PLEKHG4B: variants seen among roughly 807,000 people sequenced by gnomAD.
PLEKHG4B encodes the protein pleckstrin homology and RhoGEF domain containing G4B.
PLEKHG4B carries 111 observed loss-of-function variants against 121.3 expected under a neutral mutation model. That is an observed-to-expected ratio of 0.92 (90% CI 0.78 to 1.07). PLEKHG4B has a LOEUF of 1.07. PLEKHG4B is among the 50% of genes least tolerant of loss of function. The pLI, the probability that PLEKHG4B is intolerant of heterozygous loss-of-function variation, is 0.00. For synonymous variants in PLEKHG4B, 738 were observed against 725.0 expected, an observed-to-expected ratio of 1.02 and a Z score of -0.29; for missense variants, 1,831 against 1,757.8, an observed-to-expected ratio of 1.04 and a Z score of -0.74.
At chr5:127,492 G>C (rs892125401) in intron 2 of PLEKHG4B, among the ~76,000 whole-genome samples, 1 of 151,608 alleles carries the variant, frequency 6.6e-6, no homozygotes, top group African/African-American at 2.4e-5. Flanking sequence ...AATTTTCCTT[G>C]TATACATTTT....
In PLEKHG4B at chr5:169,487, C is replaced by A. The variant is rs746844960; in HGVS notation, c.3624C>A (p.Phe1208Leu). 1 of 1,614,234 alleles carries A rather than the reference C, an allele frequency of 6.2e-7. No individual in the cohort carries two copies. ...TTCGAGGGAAGCACCACGTTATTTT[C>A]GGCAACTTGGAGAAGCTCCACGACT... is the stretch of plus-strand genomic sequence containing the variant. ...QGLRGKHHVI[F>L]GNLEKLHDFH... Residue 1208 changes from phenylalanine to leucine, a missense_variant, in exon 14 of 20, where the codon TTC becomes TTA. By Grantham distance (22) the Phe-to-Leu change is conservative. Transcript: ENST00000637938.
At chr5:154,663 T>C (rs941737537) in intron 7 of PLEKHG4B, among the ~76,000 whole-genome samples, 1 of 150,434 alleles carries the variant, frequency 6.6e-6, no homozygotes, top group Non-Finnish European at 1.5e-5. Flanking sequence ...ACTGAGGCCT[T>C]TCCTTCACTT....
Position 100,039 on chromosome 5 carries a change from C to T in PLEKHG4B, c.45+7763C>T, listed in dbSNP as rs1428088490. 2.6e-5 allele frequency among the ~76,000 whole-genome samples: 4 copies of T among 152,040 alleles called. No individual in the cohort carries two copies. In the East Asian group the frequency reaches 5.8e-4, roughly 22 times the overall value. ...TGTATTACATTGATTGGTTTTCTTA[C>T]GTTGAAGAACGCTTGCATTCCAGGA... On this transcript the variant is annotated intron_variant, in intron 1 of 19. Transcript: ENST00000637938.
intron 2 of PLEKHG4B, among the ~76,000 whole-genome samples, chr5:135,952 A>G (rs1734972651): frequency 6.6e-6 from 1 of 151,880 alleles, no homozygotes; most frequent in African/African-American, 2.4e-5. Flanking sequence ...AAGCAGTGTG[A>G]CACTGGCATA....
At chr5:143,609 C>G in intron 5 of PLEKHG4B, 106 bp downstream of exon 5, 1 of 1,390,850 alleles carries the variant, frequency 7.2e-7, no homozygotes, top group Non-Finnish European at 9.9e-7. Context: ...TGGCCAGACT[C>G]TGCCTCTCCT....
intron 1 of PLEKHG4B, among the ~76,000 whole-genome samples, chr5:98,498 G>A (rs1271642262): frequency 2.4e-5 from 3 of 123,008 alleles, no homozygotes; most frequent in East Asian, 2.8e-4. Context: ...GCAGTGGCAC[G>A]ATCTTGGCTC....
chr5:177,739 C>G (rs1333686900), intron 18 of PLEKHG4B, among the ~76,000 whole-genome samples: 1 of 152,228 alleles, frequency 6.6e-6, no homozygotes, highest in Non-Finnish European at 1.5e-5. Flanking sequence ...ATCCTTGATC[C>G]TAAGACTTTC....
At chr5:155,309 T>G (rs1228156131) in intron 8 of PLEKHG4B, 36 bp from the exon 9 acceptor site, 1 of 1,544,904 alleles carries the variant, frequency 6.5e-7, no homozygotes, top group Non-Finnish European at 9.0e-7. Flanking sequence ...TAACAGACTG[T>G]GTTCTTATAA....
chr5:118,152 A>C (rs1205575066), intron 2 of PLEKHG4B, among the ~76,000 whole-genome samples: 1 of 152,226 alleles, frequency 6.6e-6, no homozygotes, highest in African/African-American at 2.4e-5. Context: ...GGGTCTAAAG[A>C]AGATCATTCA....
At position 119,473 on chromosome 5, in the gene PLEKHG4B, G is replaced by A. The variant is rs148894502; in HGVS notation, c.243+6025G>A. Among the ~76,000 whole-genome samples the A allele has an allele frequency of 5.1e-3, 782 of 152,192 alleles. 10 individuals are homozygous for A. The highest frequency in any genetic ancestry group is 6.4e-3 in the Non-Finnish European group (433 of 68,006). ...AAATAAAGGATGACAAAACCACCAAGGAAATTGTCAAAATATTTAGAGCCA... is the reference window on the plus strand; with the variant it reads ...AAATAAAGGATGACAAAACCACCAAAGAAATTGTCAAAATATTTAGAGCCA... On this transcript the variant is annotated intron_variant, in intron 2 of 19. Coordinates refer to ENST00000637938, the MANE Select transcript of PLEKHG4B (RefSeq NM_052909.5).
chr5:102,271 C>T (rs1733844145), intron 1 of PLEKHG4B, among the ~76,000 whole-genome samples: 1 of 152,018 alleles, frequency 6.6e-6, no homozygotes, highest in Non-Finnish European at 1.5e-5. Context: ...CTAGAACTCA[C>T]ATCAGTTTCT....
chr5:153,292 T>C (rs1735663348), intron 7 of PLEKHG4B, among the ~76,000 whole-genome samples: 1 of 152,214 alleles, frequency 6.6e-6, no homozygotes. Flanking sequence ...CCTCTGCTGA[T>C]TGTCTTTCCC....
rs1736085101 is a variant in PLEKHG4B at position 163,032 on chromosome 5, A to G, written c.2960A>G (p.His987Arg). The G allele has an allele frequency of 6.4e-7, 1 of 1,560,858 alleles. No individual in the cohort carries two copies. The highest frequency in any genetic ancestry group is 8.7e-7 in the Non-Finnish European group (1 of 1,152,460). Residue 987 changes from histidine (H) to arginine (R), a missense_variant, in exon 13 of 20, where the codon CAC (histidine) becomes CGC (arginine). By Grantham distance (29) the His-to-Arg change is conservative. Coordinates refer to ENST00000637938, the MANE Select transcript of PLEKHG4B (RefSeq NM_052909.5). Reference protein sequence around the residue: ...HERAQEAMRRHQKPPSFPSTD... With the variant: ...HERAQEAMRRRQKPPSFPSTD... The stretch of plus-strand genomic sequence containing the variant: ...CGTGCCCAGGAGGCCATGAGGAGGC[A>G]CCAGAAGCCACCCTCATTCCCCAGC...
At chr5:148,143 A>T (rs1399766291) in intron 6 of PLEKHG4B, among the ~76,000 whole-genome samples, 1 of 152,170 alleles carries the variant, frequency 6.6e-6, no homozygotes, top group Non-Finnish European at 1.5e-5. Flanking sequence ...AAAAAAACTG[A>T]AATCTTCTCA....
At chr5:181,754 T>C in intron 19 of PLEKHG4B, 79 bp downstream of exon 19, 1 of 1,533,668 alleles carries the variant, frequency 6.5e-7, no homozygotes, top group Non-Finnish European at 8.8e-7. Context: ...TACGGTGGCA[T>C]CGGCCCCACC....
chr5:165,537 G>A (rs71583049), intron 13 of PLEKHG4B, among the ~76,000 whole-genome samples: 25 of 19,022 alleles, frequency 1.3e-3, no homozygotes, highest in African/African-American at 1.9e-3. Context: ...GACGGGGCGG[G>A]GCTCACACTA....
chr5:142,378 C>T (rs866214749), intron 3 of PLEKHG4B, among the ~76,000 whole-genome samples: 8 of 152,020 alleles, frequency 5.3e-5, no homozygotes, highest in Middle Eastern at 3.4e-3. Flanking sequence ...ACATACGACA[C>T]GCACACAGAA....
chr5:143,602 C>T (rs1176055905), intron 5 of PLEKHG4B, 99 bp downstream of exon 5: 2 of 1,431,476 alleles, frequency 1.4e-6, no homozygotes, highest in Non-Finnish European at 1.9e-6. Flanking sequence ...GCTTCCATGG[C>T]CAGACTCTGC....
intron 1 of PLEKHG4B, among the ~76,000 whole-genome samples, chr5:102,158 G>A: frequency 6.6e-6 from 1 of 152,042 alleles, no homozygotes; most frequent in Middle Eastern, 3.4e-3. Context: ...GTAGGGGAGA[G>A]ACTGCTGTGA....
Sources: allele counts gnomAD v4.1 joint callset (sites outside exome capture counted in the v4.1 genomes callset), GRCh38; gene constraint gnomAD v4.1.1; transcripts MANE v1.5; gene names NCBI Gene and HGNC (gene_info 2026-07-23, HGNC 2026-07-21).